Variants in ATXN7 observed in about 807,000 individuals in gnomAD.
The protein encoded by ATXN7 is ataxin-7.
A neutral mutation model predicts 70.5 loss-of-function variants in ATXN7; 12 were observed. That is an observed-to-expected ratio of 0.17 (90% CI 0.11 to 0.28). ATXN7 has a LOEUF of 0.28. Among genes scored for constraint, ATXN7 ranks in the 10% least tolerant of loss-of-function variants. The pLI, the probability that ATXN7 is intolerant of heterozygous loss-of-function variation, is 1.00. For missense variants in ATXN7, 1,256 were observed against 1,131.7 expected (o/e 1.11, Z -1.58); for synonymous variants, 498 against 448.7 (o/e 1.11, Z -1.39).
intron 4 of ATXN7, among the ~76,000 whole-genome samples, chr3:63,944,935 G>A (rs757790541): frequency 6.6e-6 from 1 of 152,106 alleles, no homozygotes; most frequent in Non-Finnish European, 1.5e-5. Flanking sequence ...GCAATTACAA[G>A]TGTAAACCAC....
intron 5 of ATXN7, among the ~76,000 whole-genome samples, chr3:63,959,460 A>G (rs2075089693): frequency 6.6e-6 from 1 of 152,198 alleles, no homozygotes; most frequent in Non-Finnish European, 1.5e-5. Context: ...CTTTTGCCCT[A>G]AACTTCTTGT....
At chr3:63,920,101 G>A (rs966218796) in intron 4 of ATXN7, among the ~76,000 whole-genome samples, 24 of 151,974 alleles carry the variant, frequency 1.6e-4, no homozygotes, top group Non-Finnish European at 2.9e-4. Context: ...TGTTCTTTAG[G>A]CCCCATATCT....
intron 5 of ATXN7, 97 bp from the exon 6 acceptor site, chr3:63,979,814 GTGTT>G: frequency 6.6e-7 from 1 of 1,509,744 alleles, no homozygotes; most frequent in Non-Finnish European, 9.0e-7. Context: ...TTAACGACAC[GTGTT>G]TTAACCTGAA....
At chr3:63,952,324 GT>G in intron 4 of ATXN7, 54 bp from the exon 5 acceptor site, 1 of 1,400,150 alleles carries the variant, frequency 7.1e-7, no homozygotes, top group Non-Finnish European at 9.8e-7. Flanking sequence ...TCCCAAAATG[GT>G]TTTATATCAG....
chr3:63,995,843 T>C lies in ATXN7; in HGVS notation c.2021T>C (p.Leu674Ser). The change falls in exon 12 of 13, where the codon TTG (leucine) becomes TCG (serine). Residue 674 changes from leucine to serine, a missense_variant. Coordinates refer to ENST00000674280, the MANE Select transcript of ATXN7 (RefSeq NM_001377405.1). The part of the protein sequence containing the change: ...SSPMSRKPQK[L>S]KSSKSLRPKE... ...CCCATGTCCAGGAAACCTCAGAAAT[T>C]GAAATCCAGCAAATCTTTGAGGCCC... 12 of 1,614,222 alleles carry C rather than the reference T, an allele frequency of 7.4e-6. No homozygotes were observed. Among genetic ancestry groups the C allele is most frequent in the Non-Finnish European group, 1.0e-5 (12 of 1,180,032 alleles).
At chr3:63,992,153 A>G (rs572758158) in intron 11 of ATXN7, among the ~76,000 whole-genome samples, 1 of 152,338 alleles carries the variant, frequency 6.6e-6, no homozygotes, top group Non-Finnish European at 1.5e-5. Context: ...GTTTCCTAAT[A>G]AAGTCAGACG....
At chr3:63,892,374 CCACACACACA>C (rs56293497) in intron 1 of ATXN7, among the ~76,000 whole-genome samples, 33 of 133,382 alleles carry the variant, frequency 2.5e-4, no homozygotes, top group Non-Finnish European at 3.0e-4. Context: ...GACACCTCTA[CCACACACACA>C]CACACACACA....
chr3:63,918,565 C>G (rs1704379483), intron 4 of ATXN7, among the ~76,000 whole-genome samples: 1 of 152,216 alleles, frequency 6.6e-6, no homozygotes, highest in South Asian at 2.1e-4. Flanking sequence ...CCCTACTCCC[C>G]ACAGTGAATT....
intron 2 of ATXN7, among the ~76,000 whole-genome samples, chr3:63,909,792 A>G (rs554910367): frequency 1.3e-5 from 2 of 152,184 alleles, no homozygotes; most frequent in Admixed American, 6.5e-5. Flanking sequence ...CTGGTTGAAG[A>G]AATACCAGGA....
intron 2 of ATXN7, among the ~76,000 whole-genome samples, chr3:63,906,996 C>T (rs1703860188): frequency 6.6e-6 from 1 of 152,192 alleles, no homozygotes; most frequent in Non-Finnish European, 1.5e-5. Context: ...TGGCTAAAGC[C>T]ATAATTCAGC....
intron 4 of ATXN7, among the ~76,000 whole-genome samples, chr3:63,931,905 G>C (rs2107342778): frequency 6.6e-6 from 1 of 152,262 alleles, no homozygotes; most frequent in Non-Finnish European, 1.5e-5. Context: ...CGAGGGTGTG[G>C]GCTTTGAAAT....
chr3:63,913,056 C>A, intron 3 of ATXN7, 101 bp from the exon 4 acceptor site: 1 of 1,456,298 alleles, frequency 6.9e-7, no homozygotes, highest in Non-Finnish European at 9.5e-7. Context: ...GGTTGCGGAA[C>A]GCGGAGGTGC....
chr3:63,863,826 A>T, upstream of ATXN7: 1 of 1,158,396 alleles, frequency 8.6e-7, no homozygotes, highest in South Asian at 4.2e-5. Context: ...GCGGCGGCGC[A>T]AGCTGAGGCG....
chr3:63,966,010 T>C (rs562034005), intron 5 of ATXN7, among the ~76,000 whole-genome samples: 2 of 152,348 alleles, frequency 1.3e-5, no homozygotes, highest in African/African-American at 2.4e-5. Context: ...GAACATTTGC[T>C]AAAATTCACC....
chr3:63,975,245 A>G (rs1188219530), intron 5 of ATXN7, among the ~76,000 whole-genome samples: 1 of 152,206 alleles, frequency 6.6e-6, no homozygotes, highest in Non-Finnish European at 1.5e-5. Context: ...CCCGTTGAGA[A>G]TGGGACAAAT....
At chr3:63,871,396 T>G (rs1702587354) in intron 1 of ATXN7, among the ~76,000 whole-genome samples, 1 of 152,202 alleles carries the variant, frequency 6.6e-6, no homozygotes. Flanking sequence ...ATTTGCTACG[T>G]ATCTTTTGGA....
chr3:63,990,704 G>A (rs746322997), intron 10 of ATXN7, 34 bp from the exon 11 acceptor site: 2 of 1,614,002 alleles, frequency 1.2e-6, no homozygotes, highest in East Asian at 4.5e-5. Context: ...CAGTGTGGGA[G>A]TCAGCAAGCA....
rs79771727 is a variant in ATXN7 at position 63,949,764 on chromosome 3, G to C, written c.395-2615G>C. Reference sequence around the variant, plus strand: ...GTATACCATGTTTCTTCCCACAGAGGGGGTGTGTGTGTGCATGCTTTTTAG... The same window carrying C: ...GTATACCATGTTTCTTCCCACAGAGCGGGTGTGTGTGTGCATGCTTTTTAG... On this transcript the variant is annotated intron_variant, in intron 4 of 12. Transcript: ENST00000674280. 3.1e-3 allele frequency among the ~76,000 whole-genome samples: 479 copies of C among 152,222 alleles called. 10 individuals carry two copies. The East Asian group carries it at 0.038, about 12-fold the overall frequency.
intron 4 of ATXN7, among the ~76,000 whole-genome samples, chr3:63,938,466 C>T (rs780036911): frequency 2.4e-4 from 37 of 152,208 alleles, no homozygotes; most frequent in Non-Finnish European, 4.7e-4. Context: ...CCTTTCCCCT[C>T]TTCAGTGTTG....
Sources: gnomAD v4.1 joint callset for allele counts (sites outside exome capture counted in the v4.1 genomes callset) on GRCh38, gnomAD v4.1.1 for gene constraint, MANE v1.5 for transcripts, NCBI Gene and HGNC (gene_info 2026-07-23, HGNC 2026-07-21) for gene names.